The following TCF7L2 variants were observed in gnomAD, a reference collection of about 807,000 sequenced individuals.
TCF7L2 encodes transcription factor 7 like 2, also known as transcription factor 7-like 2.
A neutral mutation model predicts 77.9 loss-of-function variants in TCF7L2; 23 were observed. The ratio of observed to expected loss-of-function variants is 0.30; its 90% CI spans 0.21 to 0.42. TCF7L2 has a LOEUF of 0.42. Among genes scored for constraint, TCF7L2 ranks in the 10% least tolerant of loss-of-function variants. The pLI is 1.00. For synonymous variants in TCF7L2, 413 were observed against 340.2 expected, an observed-to-expected ratio of 1.21 and a Z score of -2.36; for missense variants, 654 against 793.1, an observed-to-expected ratio of 0.82 and a Z score of 2.11.
chr10:112,984,122 C>A (rs1016061320), intron 4 of TCF7L2, among the ~76,000 whole-genome samples: 5 of 152,192 alleles, frequency 3.3e-5, no homozygotes, highest in African/African-American at 1.2e-4. Context: ...TGTCTTTAAG[C>A]TTTCAGAAGC....
At chr10:113,071,079 A>T (rs1591313107) in intron 5 of TCF7L2, among the ~76,000 whole-genome samples, 1 of 152,146 alleles carries the variant, frequency 6.6e-6, no homozygotes, top group Non-Finnish European at 1.5e-5. Flanking sequence ...TAGCAAATGG[A>T]AGGGTTTTTG....
At chr10:112,962,473 GA>G (rs2035512778) in intron 3 of TCF7L2, among the ~76,000 whole-genome samples, 1 of 152,178 alleles carries the variant, frequency 6.6e-6, no homozygotes, top group Admixed American at 6.5e-5. Context: ...GTTTTAACAT[GA>G]TGCAGAATTG....
chr10:113,023,701 CTCTG>C (rs1564795885), intron 4 of TCF7L2, among the ~76,000 whole-genome samples: 1 of 151,854 alleles, frequency 6.6e-6, no homozygotes, highest in South Asian at 2.1e-4. Context: ...CGGAGTCTCG[CTCTG>C]TTGCCCAGGC....
intron 5 of TCF7L2, among the ~76,000 whole-genome samples, chr10:113,112,586 T>G (rs1283855149): frequency 6.6e-6 from 1 of 152,250 alleles, no homozygotes; most frequent in Non-Finnish European, 1.5e-5. Flanking sequence ...TTCCCGTGCT[T>G]ACTTAATAGT....
rs534531849 is a variant in TCF7L2 at position 113,093,022 on chromosome 10, G to A, written c.553-48162G>A. Among the ~76,000 whole-genome samples, 8 of 152,222 alleles carry A rather than the reference G, an allele frequency of 5.3e-5. No homozygotes were observed. In the East Asian group the frequency reaches 5.8e-4, roughly 11 times the overall value. On this transcript the variant is annotated intron_variant, in intron 5 of 13. Transcript: ENST00000627217. ...TTTGAGTCCAACACTCACTTTTTTGGCAAGGTGCTTCCCCGCTCCGTGATG... is the reference window on the plus strand; with the variant it reads ...TTTGAGTCCAACACTCACTTTTTTGACAAGGTGCTTCCCCGCTCCGTGATG...
Position 113,105,549 on chromosome 10 carries a change from GCT to G in TCF7L2, c.553-35633_553-35632del, listed in dbSNP as rs113868744. 1.3e-3 allele frequency among the ~76,000 whole-genome samples: 202 copies of G among 152,284 alleles called. 5 individuals are homozygous for G. Among genetic ancestry groups the G allele is most frequent in the African/African-American group, 4.3e-3 (178 of 41,558 alleles). ...CTATTGTTCTGACTGCAGTCTAGAT[GCT>G]CCCAGGCCCATTTCTCTCCTTTTTC... On this transcript the variant is annotated intron_variant, in intron 5 of 13. Coordinates refer to ENST00000627217, the MANE Select transcript of TCF7L2 (RefSeq NM_001146274.2).
chr10:113,107,161 C>T (rs2062436282), intron 5 of TCF7L2, among the ~76,000 whole-genome samples: 2 of 152,108 alleles, frequency 1.3e-5, no homozygotes. Context: ...TAAACTGGGC[C>T]TGGAATGTCA....
chr10:113,165,793 A>G lies in TCF7L2; in HGVS notation c.1630A>G (p.Thr544Ala). 4.4e-6 allele frequency: 7 copies of G among 1,604,100 alleles called. No homozygotes were observed. The highest frequency in any genetic ancestry group is 6.0e-6 in the Non-Finnish European group (7 of 1,174,808). The change falls in exon 14 of 14, where the codon ACC becomes GCC. Residue 544 changes from threonine (T) to alanine (A), a missense_variant. Physicochemically the swap from Thr to Ala is moderately conservative, Grantham distance 58 (BLOSUM62 0). Coordinates refer to ENST00000627217, the MANE Select transcript of TCF7L2 (RefSeq NM_001146274.2). ...ACCCGCCCTCCTGCTCGCTGAGGCC[A>G]CCCACAAGGCCTCCGCCCTCTGTCC...
At chr10:112,996,399 G>A (rs1208079310) in intron 4 of TCF7L2, among the ~76,000 whole-genome samples, 1 of 152,160 alleles carries the variant, frequency 6.6e-6, no homozygotes, top group Non-Finnish European at 1.5e-5. Flanking sequence ...CCATGTTGTG[G>A]TCTCTGCACC....
chr10:113,154,237 G>A (rs1218193415), intron 11 of TCF7L2, among the ~76,000 whole-genome samples: 1 of 152,212 alleles, frequency 6.6e-6, no homozygotes, highest in Non-Finnish European at 1.5e-5. Context: ...ACCCTGAGGT[G>A]GAGATTTCCA....
rs961466827 is a variant in TCF7L2, at chr10:113,151,232, C to T, written c.1001+109C>T. The T allele has an allele frequency of 5.4e-6, 8 of 1,485,430 alleles. No individual in the cohort carries two copies. The Admixed American group carries it at 1.2e-4, about 23-fold the overall frequency. The allele number at this position is 1,485,430 out of a possible 1,614,324, so 92.0% of individuals were successfully genotyped here. ...CTAAGGTTGGCCTCGTTTGGTTTGA[C>T]TGCAGCCAATACCCAGCCTGTGTGG... On this transcript the variant is annotated intron_variant, in intron 9 of 13. Transcript: ENST00000627217. This position sits in a 1 kb window ranked among gnomAD's most constrained non-coding sequence, Gnocchi z 5.2.
At chr10:113,106,017 G>C (rs985381932) in intron 5 of TCF7L2, among the ~76,000 whole-genome samples, 6 of 152,342 alleles carry the variant, frequency 3.9e-5, no homozygotes, top group African/African-American at 1.4e-4. Context: ...ATAGCAGTAA[G>C]TGGAATGTTA....
At chr10:113,045,191 A>G (rs982874942) in intron 5 of TCF7L2, among the ~76,000 whole-genome samples, 51 of 152,160 alleles carry the variant, frequency 3.4e-4, no homozygotes, top group African/African-American at 1.2e-3. Flanking sequence ...AAAGCATGCT[A>G]GACACCAAGA....
At chr10:113,100,012 A>G (rs1293676164) in intron 5 of TCF7L2, among the ~76,000 whole-genome samples, 1 of 152,012 alleles carries the variant, frequency 6.6e-6, no homozygotes, top group Non-Finnish European at 1.5e-5. Context: ...CACTCCCTCT[A>G]CCTCTCTCTT....
At chr10:113,099,141 C>G (rs989977687) in intron 5 of TCF7L2, among the ~76,000 whole-genome samples, 3 of 152,150 alleles carry the variant, frequency 2.0e-5, no homozygotes, top group Admixed American at 1.3e-4. Context: ...GCTCTGGAAC[C>G]CTTTGTGGAT....
chr10:113,088,161 A>T (rs1232717786), intron 5 of TCF7L2, among the ~76,000 whole-genome samples: 1 of 152,092 alleles, frequency 6.6e-6, no homozygotes, highest in African/African-American at 2.4e-5. Flanking sequence ...AGAAACGTAG[A>T]ATATTATTTC....
chr10:112,951,736 C>T, intron 3 of TCF7L2, 129 bp downstream of exon 3: 2 of 353,404 alleles, frequency 5.7e-6, no homozygotes, highest in Non-Finnish European at 8.0e-6. Flanking sequence ...CCCTCCCTCC[C>T]CTCCCCCGCT....
At chr10:112,986,253 A>G (rs931371509) in intron 4 of TCF7L2, among the ~76,000 whole-genome samples, 1 of 151,956 alleles carries the variant, frequency 6.6e-6, no homozygotes, top group African/African-American at 2.4e-5. Flanking sequence ...GAGTCAGTAG[A>G]TGTTTCTCGG....
At chr10:112,991,755 T>G (rs1187671333) in intron 4 of TCF7L2, among the ~76,000 whole-genome samples, 1 of 152,130 alleles carries the variant, frequency 6.6e-6, no homozygotes, top group Non-Finnish European at 1.5e-5. Flanking sequence ...TAGCTGACCT[T>G]TCCTCCTTGT....
Sources: gnomAD v4.1 joint callset for allele counts (sites outside exome capture counted in the v4.1 genomes callset) on GRCh38, gnomAD v4.1.1 for gene constraint, Gnocchi (gnomAD v3.1) non-coding constraint, MANE v1.5 for transcripts, NCBI Gene and HGNC (gene_info 2026-07-23, HGNC 2026-07-21) for gene names.